The following ACTR3C variants were observed in gnomAD, a reference collection of about 807,000 sequenced individuals.
ACTR3C encodes the protein actin-related protein 3C.
In ACTR3C, 18 loss-of-function variants were observed where a neutral mutation model predicts 26.3. The observed-to-expected ratio is 0.68, with a 90% CI of 0.47 to 1.01. The LOEUF (loss-of-function observed/expected upper bound fraction) is 1.01, where lower values mean the gene tolerates loss of function less well. Ranked by LOEUF, ACTR3C falls within the 50% of genes least tolerant of loss-of-function variation. The probability of loss-of-function intolerance (pLI) is 0.00; values close to 1 mark genes in which losing one functional copy is unlikely to be tolerated. For missense variants in ACTR3C, 184 were observed against 250.7 expected (o/e 0.73, Z 1.80); for synonymous variants, 55 against 94.5 (o/e 0.58, Z 2.42).
chr7:150,321,633 G>A (rs1335871353), intron 1 of ACTR3C, among the ~76,000 whole-genome samples: 1 of 152,126 alleles, frequency 6.6e-6, no homozygotes, highest in Non-Finnish European at 1.5e-5. Context: ...TTAGCTACTT[G>A]GGAGACTGAG....
chr7:149,925,346 C>T, the ACTR3C span, among the ~76,000 whole-genome samples: 3 of 152,060 alleles, frequency 2.0e-5, no homozygotes, highest in East Asian at 1.9e-4. Flanking sequence ...CTTTCTCTCC[C>T]GGAACTAGAG....
the ACTR3C span, among the ~76,000 whole-genome samples, chr7:150,037,145 G>A: frequency 1.2e-4 from 7 of 60,386 alleles, no homozygotes; most frequent in African/African-American, 4.0e-4. Context: ...CCTGCCTCGT[G>A]GGGGGTGCCT....
chr7:150,309,782 C>T (rs1009773564), intron 1 of ACTR3C, among the ~76,000 whole-genome samples: 1 of 152,230 alleles, frequency 6.6e-6, no homozygotes, highest in Non-Finnish European at 1.5e-5. Context: ...TCAAAGCTCT[C>T]TGGCTGACTG....
At chr7:149,974,580 C>T in the ACTR3C span, among the ~76,000 whole-genome samples, 2 of 152,184 alleles carry the variant, frequency 1.3e-5, no homozygotes, top group Non-Finnish European at 2.9e-5. Context: ...GATCAGTACA[C>T]AACATGCAAA....
chr7:149,910,732 C>T, the ACTR3C span, among the ~76,000 whole-genome samples: 1 of 151,832 alleles, frequency 6.6e-6, no homozygotes, highest in Admixed American at 6.6e-5. Context: ...ATTTTTGATC[C>T]GGTAATATTT....
At chr7:149,992,620 C>A in the ACTR3C span, among the ~76,000 whole-genome samples, 5 of 152,164 alleles carry the variant, frequency 3.3e-5, no homozygotes, top group African/African-American at 1.2e-4. Flanking sequence ...GAGGAGACTG[C>A]GATTCCAGAA....
At chr7:150,026,478 C>G in the ACTR3C span, among the ~76,000 whole-genome samples, 1 of 152,036 alleles carries the variant, frequency 6.6e-6, no homozygotes, top group African/African-American at 2.4e-5. Context: ...GCCATACTAT[C>G]TTTATATAAT....
chr7:150,155,723 G>C, the ACTR3C span, among the ~76,000 whole-genome samples: 4 of 138,434 alleles, frequency 2.9e-5, no homozygotes, highest in Admixed American at 2.9e-4. Flanking sequence ...GGTCCCTGAA[G>C]AAGTGACAAG....
At chr7:150,161,792 T>C in the ACTR3C span, among the ~76,000 whole-genome samples, 1 of 152,128 alleles carries the variant, frequency 6.6e-6, no homozygotes, top group African/African-American at 2.4e-5. Context: ...TGCCACTCTT[T>C]CAAAACTTAA....
chr7:149,906,524 C>T, the ACTR3C span, among the ~76,000 whole-genome samples: 319 of 142,230 alleles, frequency 2.2e-3, 3 homozygotes, highest in South Asian at 0.011. Context: ...CTCCACCTCC[C>T]GGATTCAAGT....
the ACTR3C span, among the ~76,000 whole-genome samples, chr7:150,123,352 G>A: frequency 6.6e-6 from 1 of 152,094 alleles, no homozygotes; most frequent in East Asian, 1.9e-4. Flanking sequence ...TGCACGTAAA[G>A]CTGTTATAAT....
the ACTR3C span, among the ~76,000 whole-genome samples, chr7:149,887,701 C>T: frequency 1.3e-5 from 2 of 152,186 alleles, no homozygotes; most frequent in East Asian, 3.8e-4. Context: ...ACTGGCCAAA[C>T]CCCATGATAT....
At chr7:150,297,078 C>A (rs1794968277) in intron 1 of ACTR3C, among the ~76,000 whole-genome samples, 1 of 151,916 alleles carries the variant, frequency 6.6e-6, no homozygotes, top group Admixed American at 6.5e-5. Flanking sequence ...GACTAATACA[C>A]CCCTACGACA....
At chr7:150,150,417 T>C in the ACTR3C span, among the ~76,000 whole-genome samples, 1 of 152,024 alleles carries the variant, frequency 6.6e-6, no homozygotes, top group African/African-American at 2.4e-5. Context: ...TTGGTAAGAG[T>C]TGCCTTGCAT....
At chr7:149,974,683 G>A in the ACTR3C span, among the ~76,000 whole-genome samples, 1 of 152,056 alleles carries the variant, frequency 6.6e-6, no homozygotes, top group Non-Finnish European at 1.5e-5. Flanking sequence ...GGTAATTACT[G>A]TCAAACCAAC....
the ACTR3C span, among the ~76,000 whole-genome samples, chr7:149,952,588 T>C: frequency 6.9e-6 from 1 of 145,556 alleles, no homozygotes; most frequent in Non-Finnish European, 1.5e-5. Context: ...TGTAGATAAG[T>C]AAATGAATAA....
chr7:150,295,253 T>C lies in ACTR3C; in HGVS notation c.44A>G (p.Gln15Arg), dbSNP rs200022559. 6.2e-6 allele frequency: 10 copies of C among 1,613,844 alleles called. No homozygotes were observed. Among genetic ancestry groups the C allele is most frequent in the Non-Finnish European group, 7.6e-6 (9 of 1,179,838 alleles). ...AATCACAAACATAACTGGTTTTACC[T>C]GAACTGCAATGTAGAGTCCTGGAAC... ...FNVPGLYIAV[Q>R]AVLALAASWT... Residue 15 changes from glutamine (Q) to arginine (R), a missense_variant and splice_region_variant, in exon 2 of 8, where the codon CAG becomes CGG. By Grantham distance (43) the Gln-to-Arg change is conservative. Coordinates refer to ENST00000683684, the MANE Select transcript of ACTR3C (RefSeq NM_001164458.2).
the ACTR3C span, among the ~76,000 whole-genome samples, chr7:150,189,794 A>G: frequency 2.4e-5 from 3 of 124,246 alleles, no homozygotes; most frequent in Admixed American, 9.0e-5. Flanking sequence ...TTATTTATCA[A>G]TTTACCAGTT....
At chr7:149,911,501 G>T in the ACTR3C span, among the ~76,000 whole-genome samples, 1 of 152,094 alleles carries the variant, frequency 6.6e-6, no homozygotes, top group Non-Finnish European at 1.5e-5. Flanking sequence ...CTCACCAGTT[G>T]TAAAAAAGGT....
Sources: gnomAD v4.1 joint callset for allele counts (sites outside exome capture counted in the v4.1 genomes callset) on GRCh38, gnomAD v4.1.1 for gene constraint, MANE v1.5 for transcripts, NCBI Gene and HGNC (gene_info 2026-07-23, HGNC 2026-07-21) for gene names.